The following NRXN1 variants were observed in gnomAD, a reference collection of about 807,000 sequenced individuals.
NRXN1 encodes the protein neurexin 1.
NRXN1 carries 39 observed loss-of-function variants against 150.9 expected under a neutral mutation model. The observed-to-expected ratio is 0.26, with a 90% CI of 0.20 to 0.34. The LOEUF (loss-of-function observed/expected upper bound fraction) is 0.34, where lower values mean the gene tolerates loss of function less well. Among genes scored for constraint, NRXN1 ranks in the 10% least tolerant of loss-of-function variants. The pLI, the probability that NRXN1 is intolerant of heterozygous loss-of-function variation, is 1.00. For missense variants in NRXN1, 1,815 were observed against 1,949.9 expected (o/e 0.93, Z 1.30); for synonymous variants, 924 against 757.0 (o/e 1.22, Z -3.62).
chr2:50,792,958 A>C (rs80005564), intron 5 of NRXN1, among the ~76,000 whole-genome samples: 308 of 152,216 alleles, frequency 2.0e-3, no homozygotes, highest in African/African-American at 7.1e-3. Context: ...AGTTCTTTTT[A>C]CAGTATCCAT....
chr2:50,878,236 T>C (rs1005354446), intron 5 of NRXN1, among the ~76,000 whole-genome samples: 6 of 151,968 alleles, frequency 3.9e-5, no homozygotes, highest in Non-Finnish European at 8.8e-5. Context: ...GAGCCCACTT[T>C]TACTTGCTTC....
intron 18 of NRXN1, among the ~76,000 whole-genome samples, chr2:50,235,455 C>G (rs2065329731): frequency 6.6e-6 from 1 of 152,000 alleles, no homozygotes; most frequent in Non-Finnish European, 1.5e-5. Context: ...GTTTTTCAAG[C>G]TTATCAATGA....
rs551139226 is a variant in NRXN1 at position 50,458,672 on chromosome 2, C to A, written c.3364+6770G>T. On this transcript the variant is annotated intron_variant, in intron 17 of 22. Transcript: ENST00000401669. ...TTGGCTCACTGCAACCTCCTCCTCT[C>A]GGGTTCAAGTGATTCTGCTACCTCA... Among the ~76,000 whole-genome samples, 16 of 151,672 alleles carry A rather than the reference C, an allele frequency of 1.1e-4. 1 individual carries two copies. The highest frequency in any genetic ancestry group is 3.9e-4 in the African/African-American group (16 of 41,266).
intron 19 of NRXN1, among the ~76,000 whole-genome samples, chr2:50,066,270 T>A (rs1348273620): frequency 6.6e-6 from 1 of 152,180 alleles, no homozygotes; most frequent in Non-Finnish European, 1.5e-5. Flanking sequence ...GATTCTATTG[T>A]TGAAGAGCTT....
At position 51,027,952 on chromosome 2, in the gene NRXN1, G is replaced by A. The variant is rs199784029; in HGVS notation, c.322C>T (p.Pro108Ser). The change falls in exon 2 of 23, where the codon CCG (proline) becomes TCG (serine). Residue 108 changes from proline (P) to serine (S), a missense_variant. By Grantham distance (74) the Pro-to-Ser change is moderately conservative. This residue lies in a region of NRXN1 where 554 missense variants were observed against 478.8 expected (regional missense o/e 1.16). Coordinates refer to ENST00000401669, the MANE Select transcript of NRXN1 (RefSeq NM_001330078.2). ...AEPATLLADT[P>S]VNDGAWHSVR... ...CTGTGCCAGGCGCCGTCGTTAACCG[G>A]CGTGTCGGCCAGGAGCGTCGCAGGC... is the stretch of plus-strand genomic sequence containing the variant. The A allele has an allele frequency of 4.5e-4, 725 of 1,603,282 alleles. No individual in the cohort carries two copies. The highest frequency in any genetic ancestry group is 3.8e-3 in the African/African-American group (282 of 75,036).
intron 2 of NRXN1, chr2:50,964,001 A>G (rs1444815658): frequency 2.3e-6 from 1 of 438,926 alleles, no homozygotes; most frequent in Non-Finnish European, 4.6e-6. Context: ...TGAAAAATAG[A>G]GCAACATGCT....
intron 8 of NRXN1, among the ~76,000 whole-genome samples, chr2:50,568,758 G>C (rs72835372): frequency 0.017 from 2,634 of 152,094 alleles, 64 homozygotes; most frequent in Admixed American, 0.063. Flanking sequence ...ACTAAAAATA[G>C]AACTACCATA....
chr2:49,975,708 T>C (rs1678847378), intron 21 of NRXN1, among the ~76,000 whole-genome samples: 1 of 152,190 alleles, frequency 6.6e-6, no homozygotes, highest in African/African-American at 2.4e-5. Flanking sequence ...TCAGAGCACC[T>C]GTCATTAAAA....
At chr2:50,137,856 G>A (rs1415067701) in intron 18 of NRXN1, among the ~76,000 whole-genome samples, 1 of 152,196 alleles carries the variant, frequency 6.6e-6, no homozygotes, top group Admixed American at 6.5e-5. Context: ...TAGCTTTCAT[G>A]TAAAACAAAC....
At chr2:50,494,235 T>A (rs2091432022) in intron 15 of NRXN1, among the ~76,000 whole-genome samples, 1 of 152,332 alleles carries the variant, frequency 6.6e-6, no homozygotes, top group South Asian at 2.1e-4. Context: ...AACTGCTTTT[T>A]TTTTAGCCAT....
intron 17 of NRXN1, among the ~76,000 whole-genome samples, chr2:50,448,193 A>G (rs2086630552): frequency 6.6e-6 from 1 of 152,146 alleles, no homozygotes; most frequent in Non-Finnish European, 1.5e-5. Context: ...TGGTCGTCTA[A>G]TAAATAAAAA....
chr2:50,932,424 G>A (rs1028056373), intron 2 of NRXN1, among the ~76,000 whole-genome samples: 1 of 152,004 alleles, frequency 6.6e-6, no homozygotes, highest in Non-Finnish European at 1.5e-5. Flanking sequence ...GCAAATACTT[G>A]GTTGGTAGAT....
At chr2:50,036,959 T>G (rs1690132978) in intron 21 of NRXN1, among the ~76,000 whole-genome samples, 1 of 152,128 alleles carries the variant, frequency 6.6e-6, no homozygotes, top group Admixed American at 6.6e-5. Context: ...TGAAGCCCAG[T>G]CCAAATGGCA....
chr2:50,599,416 T>G (rs989199115), intron 8 of NRXN1, among the ~76,000 whole-genome samples: 1 of 152,222 alleles, frequency 6.6e-6, no homozygotes, highest in Non-Finnish European at 1.5e-5. Flanking sequence ...GAAATCTGAC[T>G]TCTCGGTTCA....
chr2:50,349,827 A>G (rs1411800765), intron 17 of NRXN1, among the ~76,000 whole-genome samples: 6 of 152,178 alleles, frequency 3.9e-5, no homozygotes, highest in African/African-American at 1.4e-4. Context: ...CTTCCATCTA[A>G]AAGATACGTA....
chr2:50,315,406 C>T (rs2075517883), intron 17 of NRXN1, among the ~76,000 whole-genome samples: 1 of 152,114 alleles, frequency 6.6e-6, no homozygotes, highest in African/African-American at 2.4e-5. Flanking sequence ...TAGCAGTCTG[C>T]TCTACTAAAA....
chr2:50,280,431 G>C (rs1473256926), intron 17 of NRXN1, among the ~76,000 whole-genome samples: 1 of 152,090 alleles, frequency 6.6e-6, no homozygotes, highest in Non-Finnish European at 1.5e-5. Context: ...CCCCATATCA[G>C]AAGCACACCC....
At chr2:49,955,708 C>CA in intron 21 of NRXN1, among the ~76,000 whole-genome samples, 1 of 149,666 alleles carries the variant, frequency 6.7e-6, no homozygotes, top group East Asian at 2.0e-4. Flanking sequence ...TACTTAGTTG[C>CA]AAAAAAGAAA....
chr2:49,973,354 TTTACA>T (rs1678296639), intron 21 of NRXN1, among the ~76,000 whole-genome samples: 1 of 152,182 alleles, frequency 6.6e-6, no homozygotes, highest in Non-Finnish European at 1.5e-5. Context: ...TCATGAAATA[TTTACA>T]TTAATCAGGT....
Sources: allele counts gnomAD v4.1 joint callset (sites outside exome capture counted in the v4.1 genomes callset), GRCh38; gene constraint gnomAD v4.1.1; regional missense constraint gnomAD v4.1.1; transcripts MANE v1.5; gene names NCBI Gene and HGNC (gene_info 2026-07-23, HGNC 2026-07-21).